CNNM2: variants seen among roughly 807,000 people sequenced by gnomAD.
CNNM2 encodes the protein cyclin and CBS domain divalent metal cation transport mediator 2.
In CNNM2, 12 loss-of-function variants were observed where a neutral mutation model predicts 66.9. That is an observed-to-expected ratio of 0.18 (90% confidence interval 0.11 to 0.29). CNNM2 has a LOEUF of 0.29. Among genes scored for constraint, CNNM2 ranks in the 10% least tolerant of loss-of-function variants. The pLI is 1.00. For synonymous variants in CNNM2, 557 were observed against 501.8 expected (o/e 1.11, Z -1.47); for missense variants, 705 against 1,167.7 (o/e 0.60, Z 5.77).
chr10:102,993,682 G>A (rs1245795007), intron 1 of CNNM2, among the ~76,000 whole-genome samples: 1 of 152,090 alleles, frequency 6.6e-6, no homozygotes, highest in Admixed American at 6.5e-5. Context: ...TGTATTCTTT[G>A]TTGTTAATTT....
intron 1 of CNNM2, among the ~76,000 whole-genome samples, chr10:102,977,018 T>C (rs1214575544): frequency 6.6e-6 from 1 of 152,066 alleles, no homozygotes; most frequent in African/African-American, 2.4e-5. Flanking sequence ...ATTGGTCAAG[T>C]TGGGTATTGG....
At chr10:103,076,825 A>G (rs1282185336) in intron 7 of CNNM2, 146 bp from the exon 8 acceptor site, 5 of 697,156 alleles carry the variant, frequency 7.2e-6, no homozygotes, top group African/African-American at 7.1e-5. Flanking sequence ...GTCAACTTGA[A>G]CTTGACAAAG....
chr10:102,932,910 C>T (rs1846113489), intron 1 of CNNM2, among the ~76,000 whole-genome samples: 1 of 131,568 alleles, frequency 7.6e-6, no homozygotes, highest in African/African-American at 2.9e-5. Flanking sequence ...GAGCAAGACT[C>T]TGTCTCAAAA....
intron 1 of CNNM2, among the ~76,000 whole-genome samples, chr10:102,929,691 GT>G (rs1846001678): frequency 6.6e-6 from 1 of 152,054 alleles, no homozygotes; most frequent in African/African-American, 2.4e-5. Flanking sequence ...AGTCTTTTGA[GT>G]TGTTTATCCG....
intron 3 of CNNM2, among the ~76,000 whole-genome samples, chr10:103,055,195 G>A (rs1482554791): frequency 1.3e-5 from 2 of 152,186 alleles, no homozygotes; most frequent in Non-Finnish European, 2.9e-5. Flanking sequence ...CCAGGGTTGA[G>A]CTCTGGTGGC....
intron 1 of CNNM2, among the ~76,000 whole-genome samples, chr10:102,923,053 G>A (rs1346875501): frequency 6.6e-6 from 1 of 152,066 alleles, no homozygotes; most frequent in African/African-American, 2.4e-5. Flanking sequence ...TATTAAAGAG[G>A]AGGAAATAGA....
chr10:103,028,437 C>T (rs1258169655), intron 1 of CNNM2, among the ~76,000 whole-genome samples: 1 of 152,158 alleles, frequency 6.6e-6, no homozygotes, highest in Non-Finnish European at 1.5e-5. Flanking sequence ...TTCTCAAGCA[C>T]AACAGAGGAA....
chr10:103,001,778 T>A (rs1327157244), intron 1 of CNNM2, among the ~76,000 whole-genome samples: 1 of 151,858 alleles, frequency 6.6e-6, no homozygotes, highest in Non-Finnish European at 1.5e-5. Flanking sequence ...CTGAGGTGGG[T>A]GGATCATTTG....
In CNNM2 at chr10:102,971,027, CA is replaced by C. The variant is rs201268107; in HGVS notation, c.1621+50940del. 0.11 allele frequency among the ~76,000 whole-genome samples: 13,825 copies of C among 122,348 alleles called. 744 individuals are homozygous for C. Among genetic ancestry groups the C allele is most frequent in the East Asian group, 0.27 (1,217 of 4,518 alleles). The allele number at this position is 122,348 out of a possible 152,430, so 80.3% of individuals were successfully genotyped here. On this transcript the variant is annotated intron_variant, in intron 1 of 7. Coordinates refer to ENST00000369878, the MANE Select transcript of CNNM2 (RefSeq NM_017649.5). ...ACAAGATGGTGAGACCCTGTCTCTA[CA>C]AAAAAAAAAAAAATCTAAAAATTAG...
chr10:102,987,095 G>C (rs1332254206), intron 1 of CNNM2, among the ~76,000 whole-genome samples: 1 of 152,144 alleles, frequency 6.6e-6, no homozygotes, highest in South Asian at 2.1e-4. Flanking sequence ...GAAGCAGGAA[G>C]TAAACTGCTG....
intron 1 of CNNM2, among the ~76,000 whole-genome samples, chr10:102,957,229 C>G (rs1847076183): frequency 6.6e-6 from 1 of 152,176 alleles, no homozygotes; most frequent in Admixed American, 6.5e-5. Context: ...CGCCTTGTAC[C>G]TGGGAGGCGG....
intron 1 of CNNM2, among the ~76,000 whole-genome samples, chr10:102,971,828 C>A: frequency 6.6e-6 from 1 of 151,932 alleles, no homozygotes; most frequent in East Asian, 1.9e-4. Flanking sequence ...ACATATTTTT[C>A]TTTTTTTGGC....
chr10:102,981,402 T>A (rs1215437963), intron 1 of CNNM2, among the ~76,000 whole-genome samples: 1 of 151,900 alleles, frequency 6.6e-6, no homozygotes, highest in Non-Finnish European at 1.5e-5. Flanking sequence ...TATATTAAAT[T>A]TTTTACCTCT....
rs538297593 is a variant in CNNM2, at chr10:103,051,945, T to A, written c.1765+2095T>A. Among the ~76,000 whole-genome samples, 108 of 152,150 alleles carry A rather than the reference T, an allele frequency of 7.1e-4. 1 individual carries two copies. The highest frequency in any genetic ancestry group is 2.5e-3 in the African/African-American group (105 of 41,500). ...GTCTCAGAGAATATTATTTGTACGT[T>A]TACGTTCTTTTCATCCTTCCTCACA... is the stretch of plus-strand genomic sequence containing the variant. On this transcript the variant is annotated intron_variant, in intron 2 of 7. Coordinates refer to ENST00000369878, the MANE Select transcript of CNNM2 (RefSeq NM_017649.5).
At chr10:103,029,201 C>A (rs2064773277) in intron 1 of CNNM2, among the ~76,000 whole-genome samples, 1 of 151,288 alleles carries the variant, frequency 6.6e-6, no homozygotes, top group Non-Finnish European at 1.5e-5. Flanking sequence ...TGGTGGCTCA[C>A]ACCTGTAATC....
intron 1 of CNNM2, among the ~76,000 whole-genome samples, chr10:102,983,512 T>C (rs1189811222): frequency 1.3e-5 from 2 of 151,384 alleles, no homozygotes; most frequent in Non-Finnish European, 2.9e-5. Context: ...ATACAAAAAT[T>C]ACTGCAGCCT....
chr10:103,039,384 G>A lies in CNNM2; in HGVS notation c.1622-10323G>A, dbSNP rs1001382221. On this transcript the variant is annotated intron_variant, in intron 1 of 7. Coordinates refer to ENST00000369878, the MANE Select transcript of CNNM2 (RefSeq NM_017649.5). ...ACTCCTGACCTGAGGTGATCCGCCC[G>A]CCTCGGCCTCCCAAAGTGCTGGGAT... Among the ~76,000 whole-genome samples, 10 of 152,216 alleles carry A rather than the reference G, an allele frequency of 6.6e-5. No homozygotes were observed. The South Asian group carries it at 1.7e-3, about 25-fold the overall frequency.
Position 103,089,238 on chromosome 10 carries a change from T to C in CNNM2, c.*12058T>C. On this transcript the variant is annotated 3_prime_UTR_variant, in exon 8 of 8. Coordinates refer to ENST00000369878, the MANE Select transcript of CNNM2 (RefSeq NM_017649.5). Reference sequence around the variant, plus strand: ...AATACATTTCTCCACTGATATACAATACCATGTAATGCACTGGAAAAGTTG... The same window carrying C: ...AATACATTTCTCCACTGATATACAACACCATGTAATGCACTGGAAAAGTTG... 1 of 221,288 alleles carries C rather than the reference T, an allele frequency of 4.5e-6. No homozygotes were observed. Among genetic ancestry groups the C allele is most frequent in the Non-Finnish European group, 9.0e-6 (1 of 110,806 alleles). 13.7% of individuals were successfully genotyped at this position (221,288 alleles called of 1,614,324 possible).
At chr10:103,048,573 A>G (rs1363034817) in intron 1 of CNNM2, among the ~76,000 whole-genome samples, 2 of 141,350 alleles carry the variant, frequency 1.4e-5, no homozygotes, top group African/African-American at 2.6e-5. Flanking sequence ...CACACTGCCT[A>G]TTGTTTTCCT....
Sources: allele counts gnomAD v4.1 joint callset (sites outside exome capture counted in the v4.1 genomes callset), GRCh38; gene constraint gnomAD v4.1.1; transcripts MANE v1.5; gene names NCBI Gene and HGNC (gene_info 2026-07-23, HGNC 2026-07-21).